PLEC: variants seen among roughly 807,000 people sequenced by gnomAD.
PLEC encodes plectin, also known as hemidesmosomal protein 1.
Under a neutral mutation model 392.8 loss-of-function variants are expected in PLEC, and 216 were observed. The observed-to-expected ratio is 0.55, with a 90% CI of 0.49 to 0.62. The LOEUF is 0.62. PLEC is among the 20% of genes least tolerant of loss of function. The pLI, the probability that PLEC is intolerant of heterozygous loss-of-function variation, is 0.00. For synonymous variants in PLEC, 3,621 were observed against 2,980.6 expected (o/e 1.21, Z -7.00); for missense variants, 6,863 against 6,563.4 (o/e 1.05, Z -1.58).
At position 143,919,613 on chromosome 8, in the gene PLEC, C is replaced by T. The variant is rs369621159; in HGVS notation, c.10208G>A (p.Arg3403Gln). ...AATGFLVDPV[R>Q]NQRLYVHEAV... Reference sequence around the variant, plus strand: ...CTCGTGGACATACAGGCGCTGGTTCCGCACGGGGTCCACCAGGAAGCCAGT... The same window carrying T: ...CTCGTGGACATACAGGCGCTGGTTCTGCACGGGGTCCACCAGGAAGCCAGT... Residue 3403 changes from arginine to glutamine, a missense_variant, in exon 32 of 32, where the codon CGG becomes CAG. Transcript: ENST00000345136. 1.2e-4 allele frequency: 184 copies of T among 1,584,630 alleles called. 1 individual carries two copies. Among genetic ancestry groups the T allele is most frequent in the East Asian group, 4.9e-4 (22 of 44,566 alleles).
At chr8:143,928,417 T>C (rs920537931) in intron 25 of PLEC, among the ~76,000 whole-genome samples, 3 of 152,146 alleles carry the variant, frequency 2.0e-5, no homozygotes, top group Non-Finnish European at 4.4e-5. Context: ...ATCACTGTGC[T>C]GGTTCTGTGA....
chr8:143,926,733 A>G, intron 30 of PLEC, 51 bp downstream of exon 30: 2 of 1,448,430 alleles, frequency 1.4e-6, no homozygotes, highest in Admixed American at 1.7e-5. Context: ...GTGGGACACA[A>G]CAGGTGGTGA....
rs1384997991 is a variant in PLEC, at chr8:143,923,181, C to T, written c.6748G>A (p.Glu2250Lys). The T allele has an allele frequency of 5.0e-6, 8 of 1,602,366 alleles. No homozygotes were observed. Among genetic ancestry groups the T allele is most frequent in the Non-Finnish European group, 6.8e-6 (8 of 1,179,898 alleles). ...TCACGCAAGATGAGTGCGCGGTTCT[C>T]AGCCTCGATGCGTGCCTTGAGCTTG... ...LSKLKARIEA[E>K]NRALILRDKD... Residue 2250 changes from glutamate to lysine, a missense_variant, in exon 31 of 32, where the codon GAG becomes AAG. Transcript: ENST00000345136.
chr8:143,967,522 C>T (rs563168640), intron 1 of PLEC, among the ~76,000 whole-genome samples: 1 of 152,276 alleles, frequency 6.6e-6, no homozygotes, highest in Non-Finnish European at 1.5e-5. Context: ...CCACAGGCAA[C>T]TTCGAAGTTT....
chr8:143,952,014 G>A (rs1832201789), upstream of PLEC, among the ~76,000 whole-genome samples: 1 of 152,190 alleles, frequency 6.6e-6, no homozygotes, highest in Admixed American at 6.5e-5. Context: ...TTCCCACCAA[G>A]CCCGGCAAAC....
rs954157749 is a variant in PLEC at position 143,922,132 on chromosome 8, C to T, written c.7689G>A (p.Glu2563=). 10 of 1,541,592 alleles carry T rather than the reference C, an allele frequency of 6.5e-6. No individual in the cohort carries two copies. The African/African-American group carries it at 1.4e-4, about 21-fold the overall frequency. The change falls in exon 32 of 32, where the codon GAG becomes GAA. Residue 2563 remains glutamate, a synonymous_variant. Coordinates refer to ENST00000345136, the MANE Select transcript of PLEC (RefSeq NM_201384.3). ...CCTCCTGCTTGCGCCGCACGCCCTC[C>T]TCGGCCTCATGCTGCCGCCGCCGCG... The part of the protein sequence containing the change: ...EEARRRQHEA[E]EGVRRKQEEL...
rs1194068292 is a variant in PLEC at position 143,973,349 on chromosome 8, C to T, written c.70+54G>A. Reference sequence around the variant, plus strand: ...CCGCCACCGTGGACGACAAGGTGCTCGGCGGCTGGGCTGTCAGGAGCGGCC... The same window carrying T: ...CCGCCACCGTGGACGACAAGGTGCTTGGCGGCTGGGCTGTCAGGAGCGGCC... On this transcript the variant is annotated intron_variant, in intron 1 of 31. Transcript: ENST00000356346. This position sits in a 1 kb window ranked among gnomAD's most constrained non-coding sequence, Gnocchi z 5.6. The T allele has an allele frequency of 6.5e-7, 1 of 1,535,740 alleles. No individual in the cohort carries two copies. Among genetic ancestry groups the T allele is most frequent in the Non-Finnish European group, 8.8e-7 (1 of 1,139,232 alleles).
chr8:143,972,614 G>T (rs373445724), intron 1 of PLEC, among the ~76,000 whole-genome samples: 2 of 152,068 alleles, frequency 1.3e-5, no homozygotes. Context: ...GGCCCCCACC[G>T]CGACCCTCCC....
chr8:143,939,472 C>T lies in PLEC; in HGVS notation c.-11G>A. On this transcript the variant is annotated 5_prime_UTR_variant, in exon 1 of 32. In the 5' UTR this introduces an upstream ATG that the reference lacks. Transcript: ENST00000345136. ...CTGGTGCTGAGACATGCTGCCCCCACACCTTCGTCGCCCGGACCCTCGGCC... is the reference window on the plus strand; with the variant it reads ...CTGGTGCTGAGACATGCTGCCCCCATACCTTCGTCGCCCGGACCCTCGGCC... The T allele has an allele frequency of 6.2e-7, 1 of 1,607,940 alleles. No homozygotes were observed. The highest frequency in any genetic ancestry group is 1.7e-5 in the Admixed American group (1 of 59,528).
chr8:143,931,528 C>A lies in PLEC; in HGVS notation c.2304+6G>T, dbSNP rs1272203515. 3 of 1,584,586 alleles carry A rather than the reference C, an allele frequency of 1.9e-6. No individual in the cohort carries two copies. The African/African-American group carries it at 4.0e-5, about 21-fold the overall frequency. On this transcript the variant is annotated splice_donor_region_variant and intron_variant, in intron 19 of 31. Coordinates refer to ENST00000345136, the MANE Select transcript of PLEC (RefSeq NM_201384.3). ...CTGACACGCCCCTGCACACCCCCTC[C>A]CTCACCTGGGCATCCTGCAGCAGGT...
rs1057522505 is a variant in PLEC at position 143,921,877 on chromosome 8, G to A, written c.7944C>T (p.Gly2648=). 1 of 1,601,600 alleles carries A rather than the reference G, an allele frequency of 6.2e-7. No homozygotes were observed. The highest frequency in any genetic ancestry group is 8.5e-7 in the Non-Finnish European group (1 of 1,179,718). The change falls in exon 32 of 32, where the codon GGC becomes GGT. Residue 2648 remains glycine, a synonymous_variant. Transcript: ENST00000345136. ...AEAEPEHSFD[G]LRRKVSAQRL... ...TCTGAGCTGACACCTTCCGCCGCAG[G>A]CCATCGAAGCTGTGCTCCGGCTCTG...
rs200755495 is a variant in PLEC at position 143,927,368 on chromosome 8, A to G, written c.3757-33T>C. On this transcript the variant is annotated intron_variant, in intron 27 of 31. Coordinates refer to ENST00000345136, the MANE Select transcript of PLEC (RefSeq NM_201384.3). ...ATGGTGTGGTCAGAGCCGTGGCCGC[A>G]GGGCACGCCCAGCCGCCCCGTCCCC... The G allele has an allele frequency of 2.5e-6, 4 of 1,610,336 alleles. No homozygotes were observed. The African/African-American group carries it at 4.0e-5, about 16-fold the overall frequency.
chr8:143,938,481 G>C lies in PLEC; in HGVS notation c.174+150C>G, dbSNP rs1245294310. On this transcript the variant is annotated intron_variant, in intron 2 of 31. Coordinates refer to ENST00000345136, the MANE Select transcript of PLEC (RefSeq NM_201384.3). ...AAGAGAGAGGCAGGAGCAGGCGTAG[G>C]GAAGAAAGAGGACAGAAAATAACAG... 8 of 1,543,428 alleles carry C rather than the reference G, an allele frequency of 5.2e-6. No individual in the cohort carries two copies. In the East Asian group the frequency reaches 1.6e-4, roughly 31 times the overall value.
At chr8:143,958,340 G>A (rs374155434), upstream of PLEC, among the ~76,000 whole-genome samples, 14 of 152,248 alleles carry the variant, frequency 9.2e-5, no homozygotes, top group African/African-American at 2.4e-4. This position sits in a 1 kb window ranked among gnomAD's most constrained non-coding sequence, Gnocchi z 4.9. Flanking sequence ...GAGGCACAGA[G>A]GTCATCTCTC....
At chr8:143,974,035 A>C (rs1249511551), upstream of PLEC, among the ~76,000 whole-genome samples, 2 of 152,136 alleles carry the variant, frequency 1.3e-5, no homozygotes, top group Non-Finnish European at 2.9e-5. This position sits in a 1 kb window ranked among gnomAD's most constrained non-coding sequence, Gnocchi z 5.9. Context: ...AACTCTTTCC[A>C]CCCATCAGAT....
chr8:143,923,438 T>G lies in PLEC; in HGVS notation c.6491A>C (p.Asp2164Ala). 6.2e-7 allele frequency: 1 copy of G among 1,609,552 alleles called. No individual in the cohort carries two copies. Among genetic ancestry groups the G allele is most frequent in the Non-Finnish European group, 8.5e-7 (1 of 1,179,782 alleles). Residue 2164 changes from aspartate (D) to alanine (A), a missense_variant, in exon 31 of 32, where the codon GAC becomes GCC. Physicochemically the swap from Asp to Ala is moderately radical, Grantham distance 126 (BLOSUM62 -2). Transcript: ENST00000345136. The part of the protein sequence containing the change: ...QAALRQKQAA[D>A]AEMEKHKKFA... ...TTTCTTATGCTTCTCCATCTCCGCG[T>G]CAGCTGCCTGCTTCTGCCGCAGGGC...
At chr8:143,950,394 C>T (rs782145378) in exon 1 of PLEC, 29 of 1,602,954 alleles carry the variant, frequency 1.8e-5, no homozygotes, top group South Asian at 6.7e-5. Context: ...ATCACCATGG[C>T]GACGGGGCGG....
In PLEC at chr8:143,934,084, A is replaced by C. The variant is rs1020755462; in HGVS notation, c.1177T>G (p.Cys393Gly). Residue 393 changes from cysteine to glycine, a missense_variant, in exon 12 of 32, where the codon TGT becomes GGT. Cys to Gly is a radical substitution (Grantham distance 159). Coordinates refer to ENST00000345136, the MANE Select transcript of PLEC (RefSeq NM_201384.3). ...QLRSEFERLE[C>G]LQRIVTKLQM... Reference sequence around the variant, plus strand: ...AGCTTGGTCACGATGCGCTGAAGACACTCCAGCCTGCAGCAGCAGCACAGG... The same window carrying C: ...AGCTTGGTCACGATGCGCTGAAGACCCTCCAGCCTGCAGCAGCAGCACAGG... The C allele has an allele frequency of 1.9e-6, 3 of 1,610,666 alleles. No homozygotes were observed. Among genetic ancestry groups the C allele is most frequent in the Non-Finnish European group, 8.5e-7 (1 of 1,179,224 alleles).
At chr8:143,949,509 T>C (rs1392359219) in intron 1 of PLEC, among the ~76,000 whole-genome samples, 1 of 152,064 alleles carries the variant, frequency 6.6e-6, no homozygotes, top group African/African-American at 2.4e-5. Flanking sequence ...ACCCGTCCTG[T>C]CCTGTGCGAC....
Sources: gnomAD v4.1 joint callset for allele counts (sites outside exome capture counted in the v4.1 genomes callset) on GRCh38, gnomAD v4.1.1 for gene constraint, Gnocchi (gnomAD v3.1) non-coding constraint, MANE v1.5 for transcripts, NCBI Gene and HGNC (gene_info 2026-07-23, HGNC 2026-07-21) for gene names.